The following LHFPL6 variants were observed in gnomAD, a reference collection of about 807,000 sequenced individuals.
LHFPL6 encodes LHFPL tetraspan subfamily member 6 protein.
LHFPL6 carries 9 observed loss-of-function variants against 20.6 expected under a neutral mutation model. The ratio of observed to expected loss-of-function variants is 0.44; its 90% confidence interval spans 0.26 to 0.76. The LOEUF (loss-of-function observed/expected upper bound fraction) is 0.76. Among genes scored for constraint, LHFPL6 ranks in the 30% least tolerant of loss-of-function variants. The probability of loss-of-function intolerance (pLI) is 0.20; values close to 1 mark genes in which losing one functional copy is unlikely to be tolerated. For missense variants in LHFPL6, 218 were observed against 253.5 expected, an observed-to-expected ratio of 0.86 and a Z score of 0.95; for synonymous variants, 105 against 98.7, an observed-to-expected ratio of 1.06 and a Z score of -0.38.
intron 2 of LHFPL6, among the ~76,000 whole-genome samples, chr13:39,538,515 A>G (rs1049141131): frequency 1.3e-5 from 2 of 148,880 alleles, no homozygotes; most frequent in African/African-American, 2.5e-5. Flanking sequence ...GCAATCAAAT[A>G]TATTTCAGAC....
chr13:39,573,008 C>T (rs1219290041), intron 2 of LHFPL6, among the ~76,000 whole-genome samples: 1 of 152,172 alleles, frequency 6.6e-6, no homozygotes, highest in Non-Finnish European at 1.5e-5. Context: ...AATTTCCTAG[C>T]TTATTTCCAC....
intron 2 of LHFPL6, among the ~76,000 whole-genome samples, chr13:39,542,279 T>C (rs949247731): frequency 6.6e-6 from 1 of 152,160 alleles, no homozygotes; most frequent in East Asian, 1.9e-4. Flanking sequence ...TTAAAATGTA[T>C]TGAGCTGTGG....
intron 2 of LHFPL6, among the ~76,000 whole-genome samples, chr13:39,597,605 G>A (rs1347906461): frequency 6.6e-6 from 1 of 151,990 alleles, no homozygotes; most frequent in Admixed American, 6.6e-5. Flanking sequence ...CTCAGTTGAG[G>A]GTAACTCAAC....
intron 2 of LHFPL6, among the ~76,000 whole-genome samples, chr13:39,461,521 T>G (rs550407960): frequency 1.4e-4 from 22 of 152,330 alleles, no homozygotes; most frequent in African/African-American, 5.1e-4. Flanking sequence ...GGGAGGAATC[T>G]AGTTCCACAG....
At chr13:39,554,658 C>T (rs4943674) in intron 2 of LHFPL6, among the ~76,000 whole-genome samples, 17,283 of 152,188 alleles carry the variant, frequency 0.11, 1,308 homozygotes, top group Admixed American at 0.19. Context: ...CCCTCCTCCC[C>T]ACCCACTGAA....
chr13:39,591,192 G>A (rs1872581020), intron 2 of LHFPL6, among the ~76,000 whole-genome samples: 1 of 152,074 alleles, frequency 6.6e-6, no homozygotes, highest in Non-Finnish European at 1.5e-5. Context: ...GGGAAAAACT[G>A]ATAAATTTGG....
intron 2 of LHFPL6, among the ~76,000 whole-genome samples, chr13:39,462,979 G>A (rs1872722236): frequency 6.6e-6 from 1 of 152,122 alleles, no homozygotes; most frequent in African/African-American, 2.4e-5. Flanking sequence ...AGGGTGCCAT[G>A]AACATGTTCA....
intron 2 of LHFPL6, among the ~76,000 whole-genome samples, chr13:39,572,301 T>C (rs1871947036): frequency 6.6e-6 from 1 of 151,038 alleles, no homozygotes; most frequent in South Asian, 2.1e-4. Context: ...TGTGTGTGTG[T>C]GTGTGTGTGT....
chr13:39,556,500 T>A (rs1043137256), intron 2 of LHFPL6, among the ~76,000 whole-genome samples: 2 of 152,202 alleles, frequency 1.3e-5, no homozygotes, highest in African/African-American at 4.8e-5. Flanking sequence ...GTACTGTGTT[T>A]ATGCCCTAGG....
chr13:39,388,548 T>G (rs1870625015), intron 2 of LHFPL6, among the ~76,000 whole-genome samples: 1 of 152,218 alleles, frequency 6.6e-6, no homozygotes, highest in Non-Finnish European at 1.5e-5. Flanking sequence ...GCATCTTAAT[T>G]CTACCATTTC....
intron 2 of LHFPL6, among the ~76,000 whole-genome samples, chr13:39,401,028 G>T (rs1344381283): frequency 6.6e-6 from 1 of 152,050 alleles, no homozygotes; most frequent in East Asian, 1.9e-4. Flanking sequence ...TTAACATATA[G>T]AAAAGTGATT....
intron 2 of LHFPL6, among the ~76,000 whole-genome samples, chr13:39,491,639 C>T (rs947673753): frequency 6.6e-6 from 1 of 152,078 alleles, no homozygotes; most frequent in Non-Finnish European, 1.5e-5. Flanking sequence ...CGGAAGGACT[C>T]GGTAAGGACA....
At chr13:39,418,352 T>C (rs1165794903) in intron 2 of LHFPL6, among the ~76,000 whole-genome samples, 3 of 146,728 alleles carry the variant, frequency 2.0e-5, no homozygotes, top group Non-Finnish European at 3.0e-5. Context: ...TAAAATAAGA[T>C]TTTTTTTTAA....
chr13:39,444,002 G>C (rs1872215502), intron 2 of LHFPL6, among the ~76,000 whole-genome samples: 1 of 152,028 alleles, frequency 6.6e-6, no homozygotes, highest in Non-Finnish European at 1.5e-5. Flanking sequence ...ACATACAATG[G>C]GTTTATCAAG....
At chr13:39,388,400 G>A (rs1870622046) in intron 2 of LHFPL6, among the ~76,000 whole-genome samples, 1 of 152,130 alleles carries the variant, frequency 6.6e-6, no homozygotes, top group Non-Finnish European at 1.5e-5. Context: ...TGGGGTCCTA[G>A]GCAATCATTG....
chr13:39,426,210 C>T (rs1243682807), intron 2 of LHFPL6, among the ~76,000 whole-genome samples: 1 of 149,238 alleles, frequency 6.7e-6, no homozygotes, highest in East Asian at 2.0e-4. Context: ...ACTTTCTTTT[C>T]TTTTTTTCTT....
intron 2 of LHFPL6, among the ~76,000 whole-genome samples, chr13:39,540,535 C>T (rs1870764963): frequency 6.6e-6 from 1 of 152,072 alleles, no homozygotes; most frequent in Non-Finnish European, 1.5e-5. Flanking sequence ...AAATTTATCT[C>T]TCCTCTAACA....
In LHFPL6 at chr13:39,457,630, G is replaced by A. The variant is rs561104333; in HGVS notation, c.386-79104C>T. ...GACTCTGCAATCTATTCCTGTTTGC[G>A]CAAAGGCAAAACCACAATGACAAAA... On this transcript the variant is annotated intron_variant, in intron 2 of 3. Coordinates refer to ENST00000379589, the MANE Select transcript of LHFPL6 (RefSeq NM_005780.3). Among the ~76,000 whole-genome samples, 10 of 152,232 alleles carry A rather than the reference G, an allele frequency of 6.6e-5. No individual in the cohort carries two copies. In the South Asian group the frequency reaches 1.0e-3, roughly 16 times the overall value.
intron 2 of LHFPL6, among the ~76,000 whole-genome samples, chr13:39,432,027 A>C (rs1871825483): frequency 6.6e-6 from 1 of 152,080 alleles, no homozygotes; most frequent in Admixed American, 6.5e-5. Context: ...TCATGAATAG[A>C]TTAGTGCCTT....
Sources: allele counts gnomAD v4.1 joint callset (sites outside exome capture counted in the v4.1 genomes callset), GRCh38; gene constraint gnomAD v4.1.1; transcripts MANE v1.5; gene names NCBI Gene and HGNC (gene_info 2026-07-23, HGNC 2026-07-21).